Variants in KLHL1 observed in about 807,000 individuals in gnomAD.
KLHL1 encodes kelch-like protein 1.
A neutral mutation model predicts 77.7 loss-of-function variants in KLHL1; 47 were observed. That is an observed-to-expected ratio of 0.60 (90% CI 0.48 to 0.77). The LOEUF is 0.77. Ranked by LOEUF, KLHL1 falls within the 30% of genes least tolerant of loss-of-function variation. The pLI, the probability that KLHL1 is intolerant of heterozygous loss-of-function variation, is 0.00. For missense variants in KLHL1, 925 were observed against 910.8 expected (o/e 1.02, Z -0.20); for synonymous variants, 360 against 325.2 (o/e 1.11, Z -1.15).
chr13:69,771,363 G>A (rs1179084730), intron 7 of KLHL1, among the ~76,000 whole-genome samples: 2 of 151,256 alleles, frequency 1.3e-5, no homozygotes, highest in African/African-American at 4.9e-5. Flanking sequence ...GTTGGCTTAA[G>A]CAATAAGAAT....
chr13:69,991,676 C>CA (rs56960573), intron 1 of KLHL1, among the ~76,000 whole-genome samples: 77 of 140,220 alleles, frequency 5.5e-4, no homozygotes, highest in Middle Eastern at 7.4e-3. Flanking sequence ...GCCTATCAAC[C>CA]AAAAAAAAAA....
chr13:69,861,358 C>T lies in KLHL1; in HGVS notation c.1227+20925G>A, dbSNP rs989627794. Among the ~76,000 whole-genome samples, 5 of 151,980 alleles carry T rather than the reference C, an allele frequency of 3.3e-5. No individual in the cohort carries two copies. In the East Asian group the frequency reaches 9.7e-4, roughly 29 times the overall value. On this transcript the variant is annotated intron_variant, in intron 5 of 10. Coordinates refer to ENST00000377844, the MANE Select transcript of KLHL1 (RefSeq NM_020866.3). ...TATAGATACTTTATATGTCTATGAA[C>T]ATTTTGCTAGTATTTCAAATCACCT...
chr13:70,098,855 T>C (rs1478268782), intron 1 of KLHL1, among the ~76,000 whole-genome samples: 10 of 151,806 alleles, frequency 6.6e-5, no homozygotes, highest in Non-Finnish European at 3.0e-5. Flanking sequence ...CAAGGCACCA[T>C]GTAGCTTCAA....
intron 1 of KLHL1, among the ~76,000 whole-genome samples, chr13:70,095,903 T>A (rs1887778669): frequency 6.6e-6 from 1 of 152,036 alleles, no homozygotes; most frequent in South Asian, 2.1e-4. Flanking sequence ...CTCCATGAGT[T>A]CATTTTTTTT....
intron 5 of KLHL1, among the ~76,000 whole-genome samples, chr13:69,848,227 T>C (rs1335016697): frequency 6.6e-5 from 10 of 151,486 alleles, no homozygotes; most frequent in African/African-American, 2.2e-4. Flanking sequence ...GAGAGAAAAA[T>C]GGACAATTAT....
chr13:69,889,038 T>G (rs1881327072), intron 4 of KLHL1, among the ~76,000 whole-genome samples: 1 of 149,602 alleles, frequency 6.7e-6, no homozygotes, highest in Admixed American at 6.7e-5. Context: ...ATATGTTGCA[T>G]AGGTCATATA....
At chr13:69,801,183 CCA>C (rs1877362514) in intron 6 of KLHL1, among the ~76,000 whole-genome samples, 1 of 152,014 alleles carries the variant, frequency 6.6e-6, no homozygotes, top group Non-Finnish European at 1.5e-5. Flanking sequence ...AGAGTCCTGA[CCA>C]CTTTTGTTAA....
intron 7 of KLHL1, among the ~76,000 whole-genome samples, chr13:69,772,263 A>C (rs116655621): frequency 0.011 from 1,728 of 152,086 alleles, 35 homozygotes; most frequent in African/African-American, 0.039. Flanking sequence ...AATAATGTAC[A>C]TATTTTATTT....
At chr13:69,976,190 C>T (rs1015279122) in intron 1 of KLHL1, among the ~76,000 whole-genome samples, 5 of 151,816 alleles carry the variant, frequency 3.3e-5, no homozygotes, top group African/African-American at 1.2e-4. Context: ...CTTAATTATA[C>T]TATTCTAAAT....
intron 6 of KLHL1, among the ~76,000 whole-genome samples, chr13:69,833,007 T>C (rs1020461732): frequency 4.6e-5 from 7 of 152,098 alleles, no homozygotes; most frequent in Non-Finnish European, 1.0e-4. Flanking sequence ...ATGTAGAAGA[T>C]AGACTCAGAA....
chr13:69,982,025 T>C (rs1407248666), intron 1 of KLHL1, among the ~76,000 whole-genome samples: 1 of 152,226 alleles, frequency 6.6e-6, no homozygotes, highest in East Asian at 1.9e-4. Context: ...GCGTACTGTG[T>C]TTTTGCTTGT....
At chr13:70,094,335 G>T (rs1400499853) in intron 1 of KLHL1, among the ~76,000 whole-genome samples, 1 of 146,456 alleles carries the variant, frequency 6.8e-6, no homozygotes, top group Non-Finnish European at 1.5e-5. Flanking sequence ...TCAGAAACAA[G>T]ATAAAAATTA....
Position 70,107,986 on chromosome 13 carries a change from C to T in KLHL1, c.-287G>A. The T allele has an allele frequency of 4.6e-6, 2 of 439,492 alleles. No individual in the cohort carries two copies. Among genetic ancestry groups the T allele is most frequent in the Non-Finnish European group, 8.0e-6 (2 of 250,108 alleles). The allele number at this position is 439,492 out of a possible 1,614,324, so 27.2% of individuals were successfully genotyped here. A position where few individuals can be genotyped will look rare whatever the true frequency, so the allele number is the denominator to read the frequency against. ...TGGGACGCCAAAAGCTGAGAATCCT[C>T]GATGCCCGCGCGAGAGCCCCGTGTT... On this transcript the variant is annotated 5_prime_UTR_variant, in exon 1 of 11. Coordinates refer to ENST00000377844, the MANE Select transcript of KLHL1 (RefSeq NM_020866.3).
chr13:69,707,761 G>A lies in KLHL1; in HGVS notation c.2051C>T (p.Ala684Val). Residue 684 changes from alanine to valine, a missense_variant, in exon 10 of 11, where the codon GCT becomes GTT. Transcript: ENST00000377844. ...AGCATCTCTGGGCATACTCAAAGGA[G>A]CCACCATGGTCCAAGTGTCTGTTTT... is the stretch of plus-strand genomic sequence containing the variant. The part of the protein sequence containing the change: ...DPKTDTWTMV[A>V]PLSMPRDAVG... The A allele has an allele frequency of 6.2e-7, 1 of 1,612,682 alleles. No homozygotes were observed. The highest frequency in any genetic ancestry group is 8.5e-7 in the Non-Finnish European group (1 of 1,179,122).
chr13:70,094,862 T>A (rs1887750428), intron 1 of KLHL1, among the ~76,000 whole-genome samples: 1 of 152,132 alleles, frequency 6.6e-6, no homozygotes, highest in South Asian at 2.1e-4. Flanking sequence ...ATAAGAATCA[T>A]CCCTGTCTTT....
intron 7 of KLHL1, 69 bp downstream of exon 7, chr13:69,796,669 T>C (rs1391369855): frequency 2.7e-6 from 3 of 1,099,668 alleles, no homozygotes; most frequent in African/African-American, 3.2e-5. Context: ...ATCAATAATA[T>C]ATTTTATCAT....
intron 1 of KLHL1, among the ~76,000 whole-genome samples, chr13:70,077,732 T>C (rs2137426264): frequency 6.6e-6 from 1 of 152,136 alleles, no homozygotes; most frequent in African/African-American, 2.4e-5. Flanking sequence ...AAATTTTCTG[T>C]AAAAATCTAA....
intron 6 of KLHL1, among the ~76,000 whole-genome samples, chr13:69,818,217 A>ATTTTTTTTTTTTTT (rs1878195724): frequency 8.0e-6 from 1 of 124,428 alleles, no homozygotes; most frequent in African/African-American, 3.9e-5. Flanking sequence ...ACTCATAGGC[A>ATTTTTTTTTTTTTT]TCTTTTTTTT....
intron 1 of KLHL1, among the ~76,000 whole-genome samples, chr13:70,010,884 C>G (rs1170964143): frequency 1.4e-5 from 2 of 147,058 alleles, no homozygotes; most frequent in Non-Finnish European, 3.0e-5. Flanking sequence ...AAAAGTGAAA[C>G]TCCGTCTCAA....
Sources: allele counts gnomAD v4.1 joint callset (sites outside exome capture counted in the v4.1 genomes callset), GRCh38; gene constraint gnomAD v4.1.1; transcripts MANE v1.5; gene names NCBI Gene and HGNC (gene_info 2026-07-23, HGNC 2026-07-21).